DAAM1: variants seen among roughly 807,000 people sequenced by gnomAD.
The protein encoded by DAAM1 is dishevelled associated activator of morphogenesis 1.
Under a neutral mutation model 130.0 loss-of-function variants are expected in DAAM1, and 52 were observed. The observed-to-expected ratio is 0.40, with a 90% CI of 0.32 to 0.50. DAAM1 has a LOEUF of 0.50. DAAM1 is among the 20% of genes least tolerant of loss of function. The pLI is 0.61. For missense variants in DAAM1, 1,134 were observed against 1,303.8 expected, an observed-to-expected ratio of 0.87 and a Z score of 2.01; for synonymous variants, 452 against 444.5, an observed-to-expected ratio of 1.02 and a Z score of -0.21.
rs112838066 is a variant in DAAM1, at chr14:59,357,784, G to GA, written c.2526-1602dup. ...CAGAGCGAGACTCCATCTCAAAAGA[G>GA]AAAAAAAAAAATGAAATGGAAGGAT... On this transcript the variant is annotated intron_variant, in intron 20 of 24. Coordinates refer to ENST00000360909, the MANE Select transcript of DAAM1 (RefSeq NM_001270520.2). 4.7e-4 allele frequency among the ~76,000 whole-genome samples: 66 copies of GA among 141,546 alleles called. No individual in the cohort carries two copies. The South Asian group carries it at 5.9e-3, about 13-fold the overall frequency. 92.9% of individuals were successfully genotyped at this position (141,546 alleles called of 152,430 possible). A position where few individuals can be genotyped will look rare whatever the true frequency, so the allele number is the denominator to read the frequency against.
At chr14:59,331,181 C>G in intron 13 of DAAM1, 28 bp from the exon 14 acceptor site, 1 of 1,607,358 alleles carries the variant, frequency 6.2e-7, no homozygotes, top group Non-Finnish European at 8.5e-7. Flanking sequence ...TTCCATTGAT[C>G]TTTCTTTTCC....
At chr14:59,242,083 G>C (rs1881149325) in intron 1 of DAAM1, among the ~76,000 whole-genome samples, 1 of 152,156 alleles carries the variant, frequency 6.6e-6, no homozygotes, top group South Asian at 2.1e-4. Context: ...AGGATAAACA[G>C]GTTCAAACAG....
chr14:59,248,446 A>G (rs1881493552), intron 1 of DAAM1, among the ~76,000 whole-genome samples: 1 of 152,226 alleles, frequency 6.6e-6, no homozygotes, highest in Non-Finnish European at 1.5e-5. Flanking sequence ...TGTCTCCTGC[A>G]GCTTCAGAAG....
rs1887047880 is a variant in DAAM1, at chr14:59,369,242, C to CAAACA, written c.*386_*390dup. On this transcript the variant is annotated 3_prime_UTR_variant, in exon 25 of 25. Transcript: ENST00000360909. ...TCAAAGGCAAAACAGAAGAAACAAA[C>CAAACA]AAACAAACAAAAAAAGCTTGCAAAA... The CAAACA allele has an allele frequency of 6.4e-6, 1 of 155,180 alleles. No homozygotes were observed. Among genetic ancestry groups the CAAACA allele is most frequent in the Non-Finnish European group, 1.4e-5 (1 of 70,858 alleles). The allele number at this position is 155,180 out of a possible 1,614,324, so 9.6% of individuals were successfully genotyped here.
chr14:59,296,581 G>C (rs368586313), intron 3 of DAAM1, among the ~76,000 whole-genome samples: 155 of 152,284 alleles, frequency 1.0e-3, no homozygotes, highest in African/African-American at 3.5e-3. Flanking sequence ...TAAGCAGACA[G>C]GCTCTGGGGC....
chr14:59,357,878 T>A (rs909572192), intron 20 of DAAM1, among the ~76,000 whole-genome samples: 3 of 152,206 alleles, frequency 2.0e-5, no homozygotes, highest in African/African-American at 7.2e-5. Context: ...GGGCAATTGT[T>A]TTCTAACTAT....
At chr14:59,273,832 A>C (rs1184172846) in intron 2 of DAAM1, among the ~76,000 whole-genome samples, 1 of 152,198 alleles carries the variant, frequency 6.6e-6, no homozygotes, top group African/African-American at 2.4e-5. Flanking sequence ...GTACATAAGA[A>C]TATATCTTGA....
intron 3 of DAAM1, among the ~76,000 whole-genome samples, chr14:59,309,141 A>G (rs1264449191): frequency 6.6e-6 from 1 of 152,238 alleles, no homozygotes; most frequent in Non-Finnish European, 1.5e-5. Flanking sequence ...GAAAGCAACA[A>G]TCTCCAAACT....
chr14:59,275,222 C>A (rs1882911735), intron 2 of DAAM1, among the ~76,000 whole-genome samples: 1 of 151,958 alleles, frequency 6.6e-6, no homozygotes, highest in South Asian at 2.1e-4. Context: ...TACTTCCATT[C>A]AATTAGGAAA....
chr14:59,317,004 G>T (rs1239039455), intron 4 of DAAM1, among the ~76,000 whole-genome samples: 1 of 152,210 alleles, frequency 6.6e-6, no homozygotes, highest in African/African-American at 2.4e-5. Flanking sequence ...CAGGGTCTGT[G>T]ATGTGCCAAC....
intron 12 of DAAM1, 140 bp from the exon 13 acceptor site, chr14:59,330,361 T>G: frequency 2.6e-6 from 2 of 757,232 alleles, no homozygotes; most frequent in Non-Finnish European, 4.1e-6. Flanking sequence ...GTTGCTCCCT[T>G]TGATGGAGAA....
intron 3 of DAAM1, among the ~76,000 whole-genome samples, chr14:59,301,112 C>G (rs559872570): frequency 6.6e-6 from 1 of 152,076 alleles, no homozygotes; most frequent in South Asian, 2.1e-4. Flanking sequence ...TCTCATTGCT[C>G]GATCAATCAT....
chr14:59,209,061 T>A (rs1364510900), intron 1 of DAAM1, among the ~76,000 whole-genome samples: 1 of 152,228 alleles, frequency 6.6e-6, no homozygotes, highest in Non-Finnish European at 1.5e-5. Flanking sequence ...CAGATATTTC[T>A]TTATAACACA....
At chr14:59,192,435 G>A (rs983842128) in intron 1 of DAAM1, among the ~76,000 whole-genome samples, 1 of 152,074 alleles carries the variant, frequency 6.6e-6, no homozygotes, top group Non-Finnish European at 1.5e-5. Flanking sequence ...TAGGTGTTTG[G>A]TTCAGGAAAT....
chr14:59,366,246 A>AGAT (rs1299406142), intron 23 of DAAM1, among the ~76,000 whole-genome samples: 5 of 152,140 alleles, frequency 3.3e-5, no homozygotes, highest in Admixed American at 3.3e-4. Flanking sequence ...TTTTTTTTAA[A>AGAT]GATTGGCATT....
intron 1 of DAAM1, among the ~76,000 whole-genome samples, chr14:59,210,117 G>A (rs577665251): frequency 1.4e-4 from 21 of 152,148 alleles, no homozygotes; most frequent in African/African-American, 5.1e-4. Context: ...ACCCCAGCCC[G>A]AGGGTCTGAA....
At chr14:59,337,733 A>G (rs951161675) in intron 15 of DAAM1, among the ~76,000 whole-genome samples, 1 of 152,166 alleles carries the variant, frequency 6.6e-6, no homozygotes, top group African/African-American at 2.4e-5. Context: ...GAATGGCTGC[A>G]CAACACACGT....
chr14:59,341,449 GT>G (rs1221197480), intron 16 of DAAM1, among the ~76,000 whole-genome samples: 2 of 152,102 alleles, frequency 1.3e-5, no homozygotes, highest in Non-Finnish European at 2.9e-5. Context: ...GTTACTCACG[GT>G]CCAGTACAAC....
chr14:59,314,597 G>C (rs575873909), intron 3 of DAAM1, among the ~76,000 whole-genome samples: 1 of 152,262 alleles, frequency 6.6e-6, no homozygotes, highest in East Asian at 1.9e-4. Flanking sequence ...GGCAAGGCTG[G>C]CTGGGACAGT....
Sources: gnomAD v4.1 joint callset for allele counts (sites outside exome capture counted in the v4.1 genomes callset) on GRCh38, gnomAD v4.1.1 for gene constraint, MANE v1.5 for transcripts, NCBI Gene and HGNC (gene_info 2026-07-23, HGNC 2026-07-21) for gene names.